The following HECW1 variants were observed in gnomAD, a reference collection of about 807,000 sequenced individuals.
HECW1 encodes the protein HECT, C2 and WW domain containing E3 ubiquitin protein ligase 1.
Under a neutral mutation model 182.3 loss-of-function variants are expected in HECW1, and 61 were observed. The ratio of observed to expected loss-of-function variants is 0.33; its 90% CI spans 0.27 to 0.41. The LOEUF is 0.41. Among genes scored for constraint, HECW1 ranks in the 10% least tolerant of loss-of-function variants. The probability of loss-of-function intolerance (pLI) is 1.00; values close to 1 mark genes in which losing one functional copy is unlikely to be tolerated. For missense variants in HECW1, 1,739 were observed against 2,108.9 expected (o/e 0.82, Z 3.44); for synonymous variants, 859 against 832.6 (o/e 1.03, Z -0.55).
intron 2 of HECW1, among the ~76,000 whole-genome samples, chr7:43,159,161 AT>A (rs1232528321): frequency 7.0e-6 from 1 of 142,972 alleles, no homozygotes; most frequent in East Asian, 2.1e-4. Flanking sequence ...TTATTTTTCA[AT>A]TTTTTTACCT....
At chr7:43,447,074 T>G (rs2077081617) in intron 11 of HECW1, among the ~76,000 whole-genome samples, 1 of 152,044 alleles carries the variant, frequency 6.6e-6, no homozygotes, top group Admixed American at 6.5e-5. Context: ...GTTACAGAGG[T>G]CTGTAGATTT....
At chr7:43,120,548 C>G (rs1294466145) in intron 2 of HECW1, among the ~76,000 whole-genome samples, 2 of 152,242 alleles carry the variant, frequency 1.3e-5, no homozygotes, top group Non-Finnish European at 2.9e-5. Flanking sequence ...GCTGACTGAC[C>G]GAATGATGTA....
At chr7:43,388,818 A>C (rs1249650702) in intron 6 of HECW1, among the ~76,000 whole-genome samples, 1 of 152,106 alleles carries the variant, frequency 6.6e-6, no homozygotes, top group African/African-American at 2.4e-5. Context: ...GAAAACCCCA[A>C]CAGTTTGCCA....
intron 2 of HECW1, among the ~76,000 whole-genome samples, chr7:43,126,775 T>G (rs917133477): frequency 4.6e-5 from 7 of 152,210 alleles, no homozygotes; most frequent in African/African-American, 1.7e-4. Context: ...TTAAGCTTCT[T>G]TATTATGATA....
At chr7:43,493,826 G>A (rs527442396) in intron 19 of HECW1, among the ~76,000 whole-genome samples, 37 of 152,252 alleles carry the variant, frequency 2.4e-4, no homozygotes, top group African/African-American at 7.9e-4. Flanking sequence ...TCTCTTTGAC[G>A]TTTGAATTTT....
intron 3 of HECW1, among the ~76,000 whole-genome samples, chr7:43,283,521 TATAA>T (rs1804204717): frequency 6.6e-6 from 1 of 152,240 alleles, no homozygotes; most frequent in Non-Finnish European, 1.5e-5. Flanking sequence ...AATGAACCAA[TATAA>T]ATAGTTTGCA....
At chr7:43,478,608 T>C (rs2078305099) in intron 16 of HECW1, among the ~76,000 whole-genome samples, 1 of 152,072 alleles carries the variant, frequency 6.6e-6, no homozygotes, top group South Asian at 2.1e-4. Context: ...GTGAAAAACC[T>C]CATAAAATTA....
chr7:43,169,695 T>C (rs1286515247), intron 2 of HECW1, among the ~76,000 whole-genome samples: 12 of 145,766 alleles, frequency 8.2e-5, no homozygotes, highest in Non-Finnish European at 1.7e-4. Flanking sequence ...CTTTTCTTTT[T>C]TTTTTTTTTT....
chr7:43,153,054 C>T (rs1341982527), intron 2 of HECW1, among the ~76,000 whole-genome samples: 1 of 152,118 alleles, frequency 6.6e-6, no homozygotes, highest in African/African-American at 2.4e-5. Flanking sequence ...CCTATATACA[C>T]CTTCTCTTAT....
At chr7:43,122,024 GTAGAAAGT>G (rs1324878413) in intron 2 of HECW1, 8 of 152,222 alleles carry the variant, frequency 5.3e-5, no homozygotes, top group Admixed American at 5.2e-4. Context: ...CCAAAGGTAA[GTAGAAAGT>G]TAGAAGAGGT....
chr7:43,411,555 T>C (rs987131315), intron 8 of HECW1, among the ~76,000 whole-genome samples: 2 of 152,200 alleles, frequency 1.3e-5, no homozygotes, highest in Admixed American at 1.3e-4. Context: ...TGTCTAGCTG[T>C]TCTATCAGTT....
At chr7:43,418,882 T>G (rs913482759) in intron 8 of HECW1, among the ~76,000 whole-genome samples, 1 of 152,212 alleles carries the variant, frequency 6.6e-6, no homozygotes. Flanking sequence ...GTTAATGTTA[T>G]ACTGAAGAGA....
chr7:43,447,354 C>T (rs2077090289), intron 11 of HECW1, among the ~76,000 whole-genome samples: 1 of 152,140 alleles, frequency 6.6e-6, no homozygotes, highest in African/African-American at 2.4e-5. Flanking sequence ...CATCCTTGCC[C>T]TTTAGAGGCC....
At position 43,554,582 on chromosome 7, in the gene HECW1, C is replaced by T; in HGVS notation, c.4511-10C>T. 1 of 1,608,546 alleles carries T rather than the reference C, an allele frequency of 6.2e-7. No individual in the cohort carries two copies. The highest frequency in any genetic ancestry group is 8.5e-7 in the Non-Finnish European group (1 of 1,176,750). ...CATCCTGTCTTCCTCCCTCCCTTTGCCTCGTGCAGGTTACCACGATGGGCA... is the reference window on the plus strand; with the variant it reads ...CATCCTGTCTTCCTCCCTCCCTTTGTCTCGTGCAGGTTACCACGATGGGCA... On this transcript the variant is annotated splice_polypyrimidine_tract_variant and intron_variant, in intron 28 of 29. Transcript: ENST00000395891.
intron 2 of HECW1, among the ~76,000 whole-genome samples, chr7:43,120,266 C>T (rs1013912959): frequency 6.6e-6 from 1 of 152,150 alleles, no homozygotes; most frequent in Non-Finnish European, 1.5e-5. Flanking sequence ...GGGACGGTCC[C>T]CCAGCCACCT....
intron 24 of HECW1, chr7:43,511,946 G>T (rs1050076911): frequency 6.7e-5 from 13 of 193,510 alleles, no homozygotes; most frequent in East Asian, 5.6e-4. Context: ...TCTGCAGCCC[G>T]CAGGTCCATG....
At chr7:43,215,391 G>A (rs930016636) in intron 2 of HECW1, among the ~76,000 whole-genome samples, 20 of 152,348 alleles carry the variant, frequency 1.3e-4, no homozygotes, top group Admixed American at 7.8e-4. Context: ...CTGGCTAGAC[G>A]GCAATCCTAC....
chr7:43,370,888 C>CTTT lies in HECW1; in HGVS notation c.555+9923_555+9925dup, dbSNP rs779010532. On this transcript the variant is annotated intron_variant, in intron 6 of 29. Coordinates refer to ENST00000395891, the MANE Select transcript of HECW1 (RefSeq NM_015052.5). The stretch of plus-strand genomic sequence containing the variant: ...AGAGGATTTTTAGGGCAATGATATT[C>CTTT]TTTTTTTTTTTTTTTTTGAAATGGA... Among the ~76,000 whole-genome samples, 3 of 135,410 alleles carry CTTT rather than the reference C, an allele frequency of 2.2e-5. 1 individual carries two copies. The highest frequency in any genetic ancestry group is 3.2e-5 in the Non-Finnish European group (2 of 61,768). The allele number at this position is 135,410 out of a possible 152,430, so 88.8% of individuals were successfully genotyped here. A position where few individuals can be genotyped will look rare whatever the true frequency, so the allele number is the denominator to read the frequency against.
intron 21 of HECW1, among the ~76,000 whole-genome samples, chr7:43,502,165 T>G (rs1031241191): frequency 2.0e-5 from 3 of 152,222 alleles, no homozygotes; most frequent in African/African-American, 7.2e-5. Context: ...CTGAATCGAT[T>G]GCACACCACT....
Sources: gnomAD v4.1 joint callset for allele counts (sites outside exome capture counted in the v4.1 genomes callset) on GRCh38, gnomAD v4.1.1 for gene constraint, MANE v1.5 for transcripts, NCBI Gene and HGNC (gene_info 2026-07-23, HGNC 2026-07-21) for gene names.